ENOX2: variants seen among roughly 807,000 people sequenced by gnomAD.
ENOX2 encodes the protein APK1 antigen.
Under a neutral mutation model 45.0 loss-of-function variants are expected in ENOX2, and 36 were observed. The observed-to-expected ratio is 0.80, with a 90% confidence interval of 0.61 to 1.06. The LOEUF is 1.06. ENOX2 is among the 50% of genes least tolerant of loss of function. The pLI is 0.00. For missense variants in ENOX2, 423 were observed against 462.5 expected, an observed-to-expected ratio of 0.91 and a Z score of 0.78; for synonymous variants, 174 against 152.3, an observed-to-expected ratio of 1.14 and a Z score of -1.05.
chrX:130,783,084 A>G lies in ENOX2; in HGVS notation c.-39+463T>C, dbSNP rs1011771653. Among the ~76,000 whole-genome samples the G allele has an allele frequency of 6.2e-5, 7 of 112,007 alleles. No homozygotes were observed. The Admixed American group carries it at 6.6e-4, about 11-fold the overall frequency. ...AATATATGCAGCTATCTGTATTAGA[A>G]GTAAAAGTGAGGATGGCCTGCCACA... On this transcript the variant is annotated intron_variant, in intron 3 of 14. Transcript: ENST00000394363.
intron 2 of ENOX2, among the ~76,000 whole-genome samples, chrX:130,811,960 T>C (rs1569504712): frequency 8.9e-6 from 1 of 111,829 alleles, no homozygotes; most frequent in Non-Finnish European, 1.9e-5. Flanking sequence ...AACAGCAGGC[T>C]TGATCAGGCA....
At chrX:130,855,647 A>C (rs2078293968) in intron 2 of ENOX2, among the ~76,000 whole-genome samples, 1 of 111,793 alleles carries the variant, frequency 8.9e-6, no homozygotes, top group African/African-American at 3.2e-5. Context: ...AAAGAAAGAA[A>C]AATCTTTGGG....
At chrX:130,699,453 T>C (rs1448931104) in intron 4 of ENOX2, among the ~76,000 whole-genome samples, 1 of 111,640 alleles carries the variant, frequency 9.0e-6, no homozygotes, top group Non-Finnish European at 1.9e-5. Context: ...ACAGGCCAGA[T>C]GAGACAGGAC....
At chrX:130,723,885 G>A (rs1340809380) in intron 3 of ENOX2, among the ~76,000 whole-genome samples, 1 of 111,553 alleles carries the variant, frequency 9.0e-6, no homozygotes, top group Non-Finnish European at 1.9e-5. Context: ...GGGCACCCTT[G>A]CTATTTTCCC....
At chrX:130,810,452 C>A (rs1467513004) in intron 2 of ENOX2, among the ~76,000 whole-genome samples, 1 of 111,655 alleles carries the variant, frequency 9.0e-6, no homozygotes, top group Non-Finnish European at 1.9e-5. Flanking sequence ...CCCCCACAGT[C>A]CTATTCATCA....
chrX:130,645,789 T>G, intron 10 of ENOX2: 1 of 818,770 alleles, frequency 1.2e-6, no homozygotes, highest in Non-Finnish European at 1.8e-6. Context: ...CGTCCTGGTC[T>G]TTGGGCTGTC....
At chrX:130,711,737 A>G (rs913378456) in intron 3 of ENOX2, among the ~76,000 whole-genome samples, 1 of 111,611 alleles carries the variant, frequency 9.0e-6, no homozygotes, top group African/African-American at 3.3e-5. Flanking sequence ...ACTAAACCTC[A>G]TCCTGGAAGA....
chrX:130,902,785 G>GAA (rs1361797760), intron 1 of ENOX2, among the ~76,000 whole-genome samples: 3 of 57,104 alleles, frequency 5.3e-5, no homozygotes, highest in South Asian at 1.6e-3. Context: ...GGCGTCGTGG[G>GAA]AAAAAAAAAA....
intron 10 of ENOX2, among the ~76,000 whole-genome samples, chrX:130,638,067 C>CTT (rs752457979): frequency 0.012 from 1,166 of 101,175 alleles, 19 homozygotes; most frequent in African/African-American, 0.04. Context: ...TCCTTCCTTC[C>CTT]TTTTTTTTTT....
At chrX:130,658,596 C>T (rs780925000) in intron 9 of ENOX2, among the ~76,000 whole-genome samples, 2 of 111,718 alleles carry the variant, frequency 1.8e-5, no homozygotes, top group African/African-American at 3.2e-5. Context: ...CAGCAGAAAG[C>T]TAAAGATAAA....
At chrX:130,627,872 A>T (rs1569475338) in intron 14 of ENOX2, 86 bp downstream of exon 14, 2 of 605,041 alleles carry the variant, frequency 3.3e-6, no homozygotes. Context: ...GTAACTAATG[A>T]CCTATTTATG....
chrX:130,842,605 G>C (rs2078034115), intron 2 of ENOX2, among the ~76,000 whole-genome samples: 1 of 111,741 alleles, frequency 8.9e-6, no homozygotes, highest in African/African-American at 3.3e-5. Context: ...GAGACTCTTT[G>C]TTGCTAAAGC....
chrX:130,716,602 C>T (rs1241260260), intron 3 of ENOX2, among the ~76,000 whole-genome samples: 2 of 111,865 alleles, frequency 1.8e-5, no homozygotes, highest in Non-Finnish European at 3.8e-5. Context: ...CAGATTATGG[C>T]CACGGCTGTG....
chrX:130,742,824 C>A (rs1021689384), intron 3 of ENOX2, among the ~76,000 whole-genome samples: 4 of 112,211 alleles, frequency 3.6e-5, no homozygotes, highest in South Asian at 3.7e-4. Flanking sequence ...CTGCTAGCCA[C>A]TGCTGTACAC....
intron 3 of ENOX2, among the ~76,000 whole-genome samples, chrX:130,774,183 G>T (rs1475081088): frequency 2.7e-5 from 3 of 112,124 alleles, no homozygotes; most frequent in Non-Finnish European, 5.6e-5. Context: ...CAAATGTCCA[G>T]CATTCTGAAT....
chrX:130,806,918 G>C (rs1254226697), intron 2 of ENOX2, among the ~76,000 whole-genome samples: 1 of 112,361 alleles, frequency 8.9e-6, no homozygotes, highest in Non-Finnish European at 1.9e-5. Context: ...AGTTCATTAA[G>C]TGTTAAACTG....
At chrX:130,859,066 G>A (rs1226685010) in intron 2 of ENOX2, among the ~76,000 whole-genome samples, 2 of 112,478 alleles carry the variant, frequency 1.8e-5, no homozygotes, top group East Asian at 2.8e-4. Context: ...GGTGGCTCAC[G>A]CCTGTAATCC....
At chrX:130,814,499 G>A (rs189296034) in intron 2 of ENOX2, among the ~76,000 whole-genome samples, 172 of 111,540 alleles carry the variant, frequency 1.5e-3, no homozygotes, top group African/African-American at 5.1e-3. Flanking sequence ...GGAGAGCTCC[G>A]GCTGGCATCT....
At chrX:130,718,092 C>T (rs940536238) in intron 3 of ENOX2, among the ~76,000 whole-genome samples, 14 of 110,730 alleles carry the variant, frequency 1.3e-4, no homozygotes, top group African/African-American at 4.6e-4. Context: ...TATCTACCTT[C>T]CTTTCTGTGT....
Sources: gnomAD v4.1 joint callset for allele counts (sites outside exome capture counted in the v4.1 genomes callset) on GRCh38, gnomAD v4.1.1 for gene constraint, MANE v1.5 for transcripts, NCBI Gene and HGNC (gene_info 2026-07-23, HGNC 2026-07-21) for gene names.